R3HCC1L: variants seen among roughly 807,000 people sequenced by gnomAD.
The protein encoded by R3HCC1L is coiled-coil domain-containing protein R3HCC1L.
R3HCC1L carries 51 observed loss-of-function variants against 59.9 expected under a neutral mutation model. The ratio of observed to expected loss-of-function variants is 0.85; its 90% CI spans 0.68 to 1.07. The LOEUF is 1.07. Among genes scored for constraint, R3HCC1L ranks in the 50% least tolerant of loss-of-function variants. The pLI is 0.00. For missense variants in R3HCC1L, 965 were observed against 933.0 expected, an observed-to-expected ratio of 1.03 and a Z score of -0.45; for synonymous variants, 322 against 315.2, an observed-to-expected ratio of 1.02 and a Z score of -0.23.
chr10:98,199,606 CT>C (rs1230810838), intron 4 of R3HCC1L, among the ~76,000 whole-genome samples: 5 of 150,858 alleles, frequency 3.3e-5, no homozygotes, highest in African/African-American at 9.7e-5. Flanking sequence ...TAGATAATAG[CT>C]TTTTTTTTCC....
At chr10:98,167,669 A>G (rs1000279444) in intron 4 of R3HCC1L, among the ~76,000 whole-genome samples, 3 of 152,238 alleles carry the variant, frequency 2.0e-5, no homozygotes, top group African/African-American at 4.8e-5. Flanking sequence ...TTAGTCTTAC[A>G]GTAGTAGTTA....
At chr10:98,169,127 A>G (rs979349622) in intron 4 of R3HCC1L, among the ~76,000 whole-genome samples, 7 of 152,138 alleles carry the variant, frequency 4.6e-5, no homozygotes, top group Admixed American at 1.3e-4. Flanking sequence ...AGCATTAAAG[A>G]TCTTTCATTC....
intron 1 of R3HCC1L, among the ~76,000 whole-genome samples, chr10:98,142,347 TTCTC>T (rs756625507): frequency 2.2e-4 from 34 of 152,294 alleles, no homozygotes; most frequent in African/African-American, 7.5e-4. Flanking sequence ...CTTTCTTTTT[TTCTC>T]TCTCTCTTTC....
chr10:98,231,467 C>A (rs1396691022), intron 5 of R3HCC1L, 45 bp from the exon 6 acceptor site: 4 of 1,523,482 alleles, frequency 2.6e-6, no homozygotes, highest in Admixed American at 2.0e-5. Context: ...TTTACAATAA[C>A]CAGGTTTAAT....
At position 98,140,815 on chromosome 10, in the gene R3HCC1L, C is replaced by T. The variant is rs576564350; in HGVS notation, c.-268+6109C>T. On this transcript the variant is annotated intron_variant, in intron 1 of 9. Coordinates refer to ENST00000298999, the MANE Select transcript of R3HCC1L (RefSeq NM_001351015.2). Reference sequence around the variant, plus strand: ...AATATCAAGTCAATTTATGTATTACCTGTTAACTACTTACGTGACCTCTCA... The same window carrying T: ...AATATCAAGTCAATTTATGTATTACTTGTTAACTACTTACGTGACCTCTCA... Among the ~76,000 whole-genome samples the T allele has an allele frequency of 1.0e-3, 153 of 152,056 alleles. 1 individual carries two copies. The highest frequency in any genetic ancestry group is 1.9e-3 in the Non-Finnish European group (130 of 67,998).
chr10:98,174,813 G>A (rs922332521), intron 4 of R3HCC1L: 19 of 947,486 alleles, frequency 2.0e-5, no homozygotes, highest in Non-Finnish European at 2.4e-5. Flanking sequence ...CTAAGGTTTT[G>A]AGTGAGAAAG....
intron 1 of R3HCC1L, among the ~76,000 whole-genome samples, chr10:98,139,933 A>C (rs953164732): frequency 6.6e-6 from 1 of 151,350 alleles, no homozygotes; most frequent in Non-Finnish European, 1.5e-5. Context: ...AACAGATTCT[A>C]GTATCTAGTA....
intron 1 of R3HCC1L, among the ~76,000 whole-genome samples, chr10:98,146,843 T>C (rs1845699612): frequency 6.6e-6 from 1 of 152,206 alleles, no homozygotes; most frequent in African/African-American, 2.4e-5. Flanking sequence ...TTGGATATAG[T>C]GAATAGTGCT....
intron 4 of R3HCC1L, among the ~76,000 whole-genome samples, chr10:98,200,986 C>T (rs1405402660): frequency 1.3e-5 from 2 of 152,148 alleles, no homozygotes; most frequent in Non-Finnish European, 2.9e-5. Context: ...AATCATATAA[C>T]TCCCAGTACT....
chr10:98,163,334 T>C lies in R3HCC1L; in HGVS notation c.-78T>C. The C allele has an allele frequency of 8.4e-7, 1 of 1,189,030 alleles. No homozygotes were observed. The highest frequency in any genetic ancestry group is 1.1e-6 in the Non-Finnish European group (1 of 907,302). The allele number at this position is 1,189,030 out of a possible 1,614,324, so 73.7% of individuals were successfully genotyped here. On this transcript the variant is annotated 5_prime_UTR_variant, in exon 4 of 10. Transcript: ENST00000298999. The stretch of plus-strand genomic sequence containing the variant: ...AAAGGAACTTTTACACAGTTTGCCT[T>C]CAGAGACAGTCTATCGGCATGTTGT...
At chr10:98,192,731 A>G (rs1214519150) in intron 4 of R3HCC1L, among the ~76,000 whole-genome samples, 2 of 152,192 alleles carry the variant, frequency 1.3e-5, no homozygotes, top group Non-Finnish European at 2.9e-5. Flanking sequence ...AATTGATACC[A>G]ATTCTTCTTA....
chr10:98,178,083 G>T (rs1004410061), intron 4 of R3HCC1L, among the ~76,000 whole-genome samples: 2 of 152,030 alleles, frequency 1.3e-5, no homozygotes, highest in Non-Finnish European at 2.9e-5. Flanking sequence ...GTCTATTTTG[G>T]CTTTCGTTTT....
At position 98,244,318 on chromosome 10, in the gene R3HCC1L, TC is replaced by T; in HGVS notation, c.*162del. On this transcript the variant is annotated 3_prime_UTR_variant, in exon 10 of 10. Transcript: ENST00000298999. The stretch of plus-strand genomic sequence containing the variant: ...GACTGGGTATAGAAGGAAGACAGAC[TC>T]CTGTCTTCACTCCTAAATGCAGTTC... 1.5e-5 allele frequency: 9 copies of T among 620,206 alleles called. No homozygotes were observed. Among genetic ancestry groups the T allele is most frequent in the Non-Finnish European group, 2.5e-5 (9 of 363,100 alleles). The allele number at this position is 620,206 out of a possible 1,614,324, so 38.4% of individuals were successfully genotyped here.
chr10:98,231,795 A>G (rs1001521241), intron 6 of R3HCC1L, 108 bp downstream of exon 6: 17 of 1,185,622 alleles, frequency 1.4e-5, no homozygotes, highest in South Asian at 1.6e-5. Context: ...TTCATATTTT[A>G]GCATCAGGCT....
At chr10:98,239,260 C>T (rs1217435843) in intron 9 of R3HCC1L, among the ~76,000 whole-genome samples, 2 of 152,000 alleles carry the variant, frequency 1.3e-5, no homozygotes, top group African/African-American at 2.4e-5. Context: ...ATGACAAATA[C>T]GTATTATATA....
At position 98,169,806 on chromosome 10, in the gene R3HCC1L, G is replaced by A. The variant is rs192298958; in HGVS notation, c.-15+6409G>A. Among the ~76,000 whole-genome samples, 49 of 151,520 alleles carry A rather than the reference G, an allele frequency of 3.2e-4. No individual in the cohort carries two copies. The East Asian group carries it at 9.3e-3, about 29-fold the overall frequency. On this transcript the variant is annotated intron_variant, in intron 4 of 9. Coordinates refer to ENST00000298999, the MANE Select transcript of R3HCC1L (RefSeq NM_001351015.2). ...GTATTTGCTTAATGCAAATAAATCAGCCTTTATATGAGCTTAGGGAATATG... is the reference window on the plus strand; with the variant it reads ...GTATTTGCTTAATGCAAATAAATCAACCTTTATATGAGCTTAGGGAATATG...
intron 4 of R3HCC1L, among the ~76,000 whole-genome samples, chr10:98,201,999 T>C (rs1356689556): frequency 6.6e-6 from 1 of 151,948 alleles, no homozygotes; most frequent in African/African-American, 2.4e-5. Flanking sequence ...ACTCGTGGCC[T>C]CAAGCTGTCC....
intron 4 of R3HCC1L, among the ~76,000 whole-genome samples, chr10:98,190,327 TTTTTA>T (rs1199077384): frequency 6.6e-6 from 1 of 152,108 alleles, no homozygotes; most frequent in Non-Finnish European, 1.5e-5. Flanking sequence ...TTGGGTATAT[TTTTTA>T]TTTTATTATT....
At chr10:98,222,495 A>G (rs1855126497) in intron 5 of R3HCC1L, among the ~76,000 whole-genome samples, 1 of 152,034 alleles carries the variant, frequency 6.6e-6, no homozygotes, top group African/African-American at 2.4e-5. Context: ...TTGCCCATTC[A>G]GTATGATATT....
Sources: gnomAD v4.1 joint callset for allele counts (sites outside exome capture counted in the v4.1 genomes callset) on GRCh38, gnomAD v4.1.1 for gene constraint, MANE v1.5 for transcripts, NCBI Gene and HGNC (gene_info 2026-07-23, HGNC 2026-07-21) for gene names.